The following TOP1 variants were observed in gnomAD, a reference collection of about 807,000 sequenced individuals.
TOP1 encodes DNA topoisomerase 1.
In TOP1, 10 loss-of-function variants were observed where a neutral mutation model predicts 111.1. The observed-to-expected ratio is 0.09, with a 90% CI of 0.06 to 0.15. The LOEUF (loss-of-function observed/expected upper bound fraction) is 0.15. Ranked by LOEUF, TOP1 falls within the 10% of genes least tolerant of loss-of-function variation. The pLI, the probability that TOP1 is intolerant of heterozygous loss-of-function variation, is 1.00. For synonymous variants in TOP1, 271 were observed against 302.9 expected, an observed-to-expected ratio of 0.89 and a Z score of 1.10; for missense variants, 474 against 926.7, an observed-to-expected ratio of 0.51 and a Z score of 6.34.
intron 2 of TOP1, among the ~76,000 whole-genome samples, chr20:41,060,060 T>C (rs1003498536): frequency 8.5e-5 from 13 of 152,230 alleles, no homozygotes; most frequent in African/African-American, 2.9e-4. Flanking sequence ...GCAATTGGAA[T>C]GCTAATGAAT....
chr20:41,113,726 AAAAAAAT>A (rs1435657219), intron 14 of TOP1, among the ~76,000 whole-genome samples: 45 of 151,330 alleles, frequency 3.0e-4, no homozygotes, highest in Non-Finnish European at 4.4e-4. Context: ...AAAAAAAAAA[AAAAAAAT>A]AAAAATTGGC....
In TOP1 at chr20:41,061,475, C is replaced by T; in HGVS notation, c.140C>T (p.Ser47Phe). ...AAGAAGGAGAAGGACCGGGAAAAGT[C>T]CAAGCATAGCAACAGGTAAGGGTGG... ...EHKKEKDREKSKHSNSEHKDS... is the reference protein window; with the variant it reads ...EHKKEKDREKFKHSNSEHKDS... Residue 47 changes from serine to phenylalanine, a missense_variant, in exon 3 of 21, where the codon TCC (serine) becomes TTC (phenylalanine). Coordinates refer to ENST00000361337, the MANE Select transcript of TOP1 (RefSeq NM_003286.4). This position sits in a 1 kb window ranked among gnomAD's most constrained non-coding sequence, Gnocchi z 4.6. 6.2e-7 allele frequency: 1 copy of T among 1,601,490 alleles called. No homozygotes were observed. Among genetic ancestry groups the T allele is most frequent in the South Asian group, 1.1e-5 (1 of 89,832 alleles).
At chr20:41,064,125 G>T (rs1453967439) in intron 3 of TOP1, among the ~76,000 whole-genome samples, 3 of 152,028 alleles carry the variant, frequency 2.0e-5, no homozygotes, top group Non-Finnish European at 2.9e-5. Flanking sequence ...AGTTTTCTGC[G>T]TATGGCTAGC....
intron 14 of TOP1, 41 bp from the exon 15 acceptor site, chr20:41,113,929 C>G: frequency 7.6e-7 from 1 of 1,319,842 alleles, no homozygotes; most frequent in Non-Finnish European, 1.1e-6. Context: ...AGGATCATGT[C>G]TCTTCCATTC....
intron 8 of TOP1, among the ~76,000 whole-genome samples, chr20:41,085,344 T>G (rs1006759493): frequency 1.3e-5 from 2 of 152,200 alleles, no homozygotes; most frequent in Non-Finnish European, 2.9e-5. Context: ...TATCTAGAGT[T>G]GCAAATGTAA....
intron 2 of TOP1, among the ~76,000 whole-genome samples, chr20:41,035,764 TTAG>T (rs754389738): frequency 1.3e-5 from 2 of 152,218 alleles, no homozygotes; most frequent in South Asian, 2.1e-4. Context: ...CTTTTTCCCC[TTAG>T]TAGAAGTCCA....
At chr20:41,035,453 A>G (rs1293488289) in intron 2 of TOP1, among the ~76,000 whole-genome samples, 1 of 152,198 alleles carries the variant, frequency 6.6e-6, no homozygotes, top group Non-Finnish European at 1.5e-5. Flanking sequence ...AGAAACACCT[A>G]GGTAAGCTCC....
At chr20:41,042,665 G>A (rs761549061) in intron 2 of TOP1, among the ~76,000 whole-genome samples, 17 of 152,190 alleles carry the variant, frequency 1.1e-4, no homozygotes, top group African/African-American at 1.9e-4. Context: ...TGAACAACAC[G>A]AGGGTTAGGG....
chr20:41,076,085 G>A (rs1568686423), intron 3 of TOP1, 86 bp from the exon 4 acceptor site: 1 of 1,436,206 alleles, frequency 7.0e-7, no homozygotes, highest in Non-Finnish European at 9.4e-7. Flanking sequence ...AAGTTTCCAC[G>A]GTTCATGTTA....
chr20:41,070,634 T>C (rs2033659197), intron 3 of TOP1, among the ~76,000 whole-genome samples: 1 of 152,244 alleles, frequency 6.6e-6, no homozygotes, highest in African/African-American at 2.4e-5. Context: ...ACCAAGACTT[T>C]GAAGCTCTCT....
chr20:41,118,542 G>C lies in TOP1; in HGVS notation c.1950+246G>C, dbSNP rs146665647. 1.1e-3 allele frequency among the ~76,000 whole-genome samples: 171 copies of C among 152,270 alleles called. No homozygotes were observed. The highest frequency in any genetic ancestry group is 4.0e-3 in the African/African-American group (166 of 41,552). ...TTCTATACTGGCCACTCCCTATTTTGAAAAACTAACTTTGGTGTACATTCT... is the reference window on the plus strand; with the variant it reads ...TTCTATACTGGCCACTCCCTATTTTCAAAAACTAACTTTGGTGTACATTCT... On this transcript the variant is annotated intron_variant, in intron 18 of 20. Coordinates refer to ENST00000361337, the MANE Select transcript of TOP1 (RefSeq NM_003286.4). This position sits in a 1 kb window ranked among gnomAD's most constrained non-coding sequence, Gnocchi z 4.6.
chr20:41,069,035 A>T lies in TOP1; in HGVS notation c.156-7136A>T, dbSNP rs1008555151. 2.0e-5 allele frequency among the ~76,000 whole-genome samples: 3 copies of T among 152,238 alleles called. No homozygotes were observed. Among genetic ancestry groups the T allele is most frequent in the Non-Finnish European group, 4.4e-5 (3 of 68,040 alleles). Reference sequence around the variant, plus strand: ...AAAACTGCTGTAAAATAGCAAGGGAAGTACTTTTCCAGCCATATTGGCAGT... The same window carrying T: ...AAAACTGCTGTAAAATAGCAAGGGATGTACTTTTCCAGCCATATTGGCAGT... On this transcript the variant is annotated intron_variant, in intron 3 of 20. Transcript: ENST00000361337. This position sits in a 1 kb window ranked among gnomAD's most constrained non-coding sequence, Gnocchi z 4.1.
At chr20:41,050,143 A>G (rs890867233) in intron 2 of TOP1, among the ~76,000 whole-genome samples, 7 of 152,154 alleles carry the variant, frequency 4.6e-5, no homozygotes, top group Non-Finnish European at 8.8e-5. Context: ...CAGCCTCCCA[A>G]GTAGCTGGGA....
chr20:41,037,844 T>C (rs546309945), intron 2 of TOP1, among the ~76,000 whole-genome samples: 18 of 152,212 alleles, frequency 1.2e-4, no homozygotes, highest in Non-Finnish European at 2.4e-4. Context: ...GCAAAAGGAT[T>C]ATCACAGAAG....
intron 2 of TOP1, among the ~76,000 whole-genome samples, chr20:41,052,084 C>G (rs923342540): frequency 1.3e-5 from 2 of 152,086 alleles, no homozygotes; most frequent in Non-Finnish European, 2.9e-5. Context: ...TCATGGGTAT[C>G]TAGTACATGA....
intron 3 of TOP1, among the ~76,000 whole-genome samples, chr20:41,070,180 A>G (rs947061372): frequency 3.3e-5 from 5 of 152,188 alleles, no homozygotes; most frequent in Admixed American, 3.3e-4. Flanking sequence ...AGGGTCTAAG[A>G]AAAAGGGTTC....
chr20:41,121,994 C>G lies in TOP1; in HGVS notation c.2046-12C>G. On this transcript the variant is annotated splice_polypyrimidine_tract_variant and intron_variant, in intron 19 of 20. Coordinates refer to ENST00000361337, the MANE Select transcript of TOP1 (RefSeq NM_003286.4). The surrounding 1 kb of genome is among the most constrained non-coding windows in gnomAD (Gnocchi z 4.2). ...CCAGGCCTGGTTCTTGAGGACTTTG[C>G]TATTCTTCTAGGGTAGTAGAGTCAA... The G allele has an allele frequency of 6.2e-7, 1 of 1,613,382 alleles. No individual in the cohort carries two copies. Among genetic ancestry groups the G allele is most frequent in the Non-Finnish European group, 8.5e-7 (1 of 1,179,816 alleles).
In TOP1 at chr20:41,029,042, C is replaced by A; in HGVS notation, c.-26C>A. On this transcript the variant is annotated 5_prime_UTR_variant, in exon 1 of 21. Coordinates refer to ENST00000361337, the MANE Select transcript of TOP1 (RefSeq NM_003286.4). The surrounding 1 kb of genome is among the most constrained non-coding windows in gnomAD (Gnocchi z 6.1). ...GTCTCCCCCACGCCGCCTCGCCTGC[C>A]GCCGCGCTCGTCCCTCCGGGCCGAC... 2 of 1,545,368 alleles carry A rather than the reference C, an allele frequency of 1.3e-6. No homozygotes were observed. The highest frequency in any genetic ancestry group is 2.5e-5 in the East Asian group (1 of 39,470).
rs114649344 is a variant in TOP1, at chr20:41,121,929, C to T, written c.2046-77C>T. ...CTCTATACTAGGGCTTTTATTGACT[C>T]AAAGTGGCAGGATGGGTACAGTGTG... On this transcript the variant is annotated intron_variant, in intron 19 of 20. Transcript: ENST00000361337. The surrounding 1 kb of genome is among the most constrained non-coding windows in gnomAD (Gnocchi z 4.2). 9.4e-4 allele frequency: 1,489 copies of T among 1,577,946 alleles called. 14 individuals are homozygous for T. In the African/African-American group the frequency reaches 0.018, roughly 19 times the overall value.
Sources: allele counts gnomAD v4.1 joint callset (sites outside exome capture counted in the v4.1 genomes callset), GRCh38; gene constraint gnomAD v4.1.1; non-coding constraint Gnocchi (gnomAD v3.1); transcripts MANE v1.5; gene names NCBI Gene and HGNC (gene_info 2026-07-23, HGNC 2026-07-21).